Variants in SORCS1 observed in about 807,000 individuals in gnomAD.
SORCS1 encodes VPS10 domain-containing receptor SorCS1.
A neutral mutation model predicts 146.1 loss-of-function variants in SORCS1; 60 were observed. The observed-to-expected ratio is 0.41, with a 90% CI of 0.33 to 0.51. The LOEUF is 0.51. Ranked by LOEUF, SORCS1 falls within the 20% of genes least tolerant of loss-of-function variation. SORCS1 has a pLI of 0.21. For missense variants in SORCS1, 1,352 were observed against 1,487.6 expected, an observed-to-expected ratio of 0.91 and a Z score of 1.50; for synonymous variants, 637 against 584.0, an observed-to-expected ratio of 1.09 and a Z score of -1.31.
chr10:106,606,001 G>A (rs1362241753), intron 23 of SORCS1, among the ~76,000 whole-genome samples: 1 of 152,158 alleles, frequency 6.6e-6, no homozygotes, highest in Non-Finnish European at 1.5e-5. Flanking sequence ...TACTGGAAGG[G>A]AAACAGCCAA....
At chr10:106,747,019 C>G (rs9888129) in intron 5 of SORCS1, among the ~76,000 whole-genome samples, 30,903 of 152,158 alleles carry the variant, frequency 0.2, 3,733 homozygotes, top group East Asian at 0.49. Context: ...TAAAATTGCT[C>G]TGTTCAGCAC....
chr10:107,076,689 G>A (rs1305460017), intron 1 of SORCS1, among the ~76,000 whole-genome samples: 1 of 152,114 alleles, frequency 6.6e-6, no homozygotes, highest in Non-Finnish European at 1.5e-5. Context: ...AGCTCTTTGT[G>A]GGTAAATTAA....
At position 106,930,214 on chromosome 10, in the gene SORCS1, G is replaced by A. The variant is rs999825675; in HGVS notation, c.626+26299C>T. 7.2e-5 allele frequency among the ~76,000 whole-genome samples: 11 copies of A among 152,180 alleles called. No homozygotes were observed. In the East Asian group the frequency reaches 9.6e-4, roughly 13 times the overall value. Reference sequence around the variant, plus strand: ...GAAGAATGGCGTGAACCCGGGAAGCGGAGCTTGCAGTGAGCCGAGATCGTG... The same window carrying A: ...GAAGAATGGCGTGAACCCGGGAAGCAGAGCTTGCAGTGAGCCGAGATCGTG... On this transcript the variant is annotated intron_variant, in intron 2 of 25. Coordinates refer to ENST00000263054, the MANE Select transcript of SORCS1 (RefSeq NM_052918.5).
At position 106,611,906 on chromosome 10, in the gene SORCS1, C is replaced by T; in HGVS notation, c.3033+5G>A. On this transcript the variant is annotated splice_donor_5th_base_variant and intron_variant, in intron 22 of 25. Coordinates refer to ENST00000263054, the MANE Select transcript of SORCS1 (RefSeq NM_052918.5). ...CGGGCAAGAGAAGAAACTGTGTGCA[C>T]TCACTTCCACCAGGGATTTTTTGAT... The T allele has an allele frequency of 6.2e-7, 1 of 1,607,156 alleles. No homozygotes were observed. The highest frequency in any genetic ancestry group is 8.5e-7 in the Non-Finnish European group (1 of 1,173,724).
intron 2 of SORCS1, among the ~76,000 whole-genome samples, chr10:106,857,589 C>T (rs12248933): frequency 0.018 from 2,722 of 152,298 alleles, 80 homozygotes; most frequent in East Asian, 0.11. Context: ...GCATTGGGTG[C>T]ATCACAGACT....
chr10:106,936,912 T>C (rs1239683750), intron 2 of SORCS1, among the ~76,000 whole-genome samples: 1 of 152,250 alleles, frequency 6.6e-6, no homozygotes, highest in Non-Finnish European at 1.5e-5. Context: ...GATAAACTTA[T>C]GCTGTGGTTA....
At chr10:106,996,818 CAATGTTTCCA>C in intron 1 of SORCS1, among the ~76,000 whole-genome samples, 2 of 152,212 alleles carry the variant, frequency 1.3e-5, no homozygotes, top group Middle Eastern at 6.8e-3. Flanking sequence ...GACTTAAACT[CAATGTTTCCA>C]ATACTCAGGA....
At chr10:106,645,013 TATAC>T (rs575204729) in intron 18 of SORCS1, among the ~76,000 whole-genome samples, 139 of 152,294 alleles carry the variant, frequency 9.1e-4, no homozygotes, top group African/African-American at 3.2e-3. Flanking sequence ...ACATAGGTGG[TATAC>T]ATGTTCAGCT....
chr10:106,964,312 A>T (rs955885490), intron 1 of SORCS1, among the ~76,000 whole-genome samples: 2 of 151,734 alleles, frequency 1.3e-5, no homozygotes, highest in Non-Finnish European at 2.9e-5. Flanking sequence ...TTAATTAATT[A>T]TTTTTTTTAT....
At chr10:106,745,447 A>G (rs568666932) in intron 5 of SORCS1, among the ~76,000 whole-genome samples, 1 of 152,208 alleles carries the variant, frequency 6.6e-6, no homozygotes, top group East Asian at 1.9e-4. Flanking sequence ...AAAGAAAAAA[A>G]GAAACAACAA....
intron 1 of SORCS1, among the ~76,000 whole-genome samples, chr10:107,071,253 C>T (rs1290191302): frequency 6.6e-6 from 1 of 152,084 alleles, no homozygotes; most frequent in Non-Finnish European, 1.5e-5. Context: ...TATGTTCACT[C>T]TCCAAATAAT....
chr10:107,094,366 T>G (rs1964409842), intron 1 of SORCS1, among the ~76,000 whole-genome samples: 2 of 152,188 alleles, frequency 1.3e-5, no homozygotes, highest in Non-Finnish European at 2.9e-5. Context: ...ATTAAGAAAC[T>G]CCAATTTATT....
At chr10:107,171,411 C>T in the SORCS1 span, among the ~76,000 whole-genome samples, 1 of 151,814 alleles carries the variant, frequency 6.6e-6, no homozygotes. Context: ...GCTTCTAGGA[C>T]ATCAACAGTA....
chr10:106,836,736 TAA>T (rs201637122), intron 2 of SORCS1, among the ~76,000 whole-genome samples: 2 of 130,486 alleles, frequency 1.5e-5, no homozygotes, highest in African/African-American at 2.7e-5. Context: ...ATTGATTAAA[TAA>T]AAAAAAAAAA....
intron 1 of SORCS1, among the ~76,000 whole-genome samples, chr10:107,024,651 C>T (rs1958315589): frequency 6.6e-6 from 1 of 152,076 alleles, no homozygotes; most frequent in East Asian, 1.9e-4. Flanking sequence ...ATAATGAGCA[C>T]AAAAGTACCT....
intron 1 of SORCS1, among the ~76,000 whole-genome samples, chr10:107,155,311 CAT>C (rs1440292271): frequency 2.0e-5 from 3 of 152,196 alleles, no homozygotes; most frequent in Admixed American, 6.5e-5. Flanking sequence ...CTCTTAAACT[CAT>C]GTGCAAATCT....
At chr10:106,986,066 T>C (rs917184257) in intron 1 of SORCS1, among the ~76,000 whole-genome samples, 2 of 152,164 alleles carry the variant, frequency 1.3e-5, no homozygotes, top group African/African-American at 4.8e-5. Flanking sequence ...TAGGTGATAG[T>C]CATGTCAGAA....
intron 1 of SORCS1, among the ~76,000 whole-genome samples, chr10:107,105,393 T>G (rs977215855): frequency 1.3e-5 from 2 of 152,198 alleles, no homozygotes; most frequent in Admixed American, 1.3e-4. Flanking sequence ...TAAGGAGTAT[T>G]GACTCACACG....
intron 1 of SORCS1, among the ~76,000 whole-genome samples, chr10:107,096,317 G>C (rs1001000568): frequency 1.3e-5 from 2 of 152,192 alleles, no homozygotes; most frequent in Non-Finnish European, 2.9e-5. Context: ...CTATGAGGTA[G>C]ACAGATCACT....
Sources: gnomAD v4.1 joint callset for allele counts (sites outside exome capture counted in the v4.1 genomes callset) on GRCh38, gnomAD v4.1.1 for gene constraint, MANE v1.5 for transcripts, NCBI Gene and HGNC (gene_info 2026-07-23, HGNC 2026-07-21) for gene names.